Variants in LNX1 observed in about 807,000 individuals in gnomAD.
LNX1 encodes the protein E3 ubiquitin-protein ligase LNX.
In LNX1, 54 loss-of-function variants were observed where a neutral mutation model predicts 68.4. That is an observed-to-expected ratio of 0.79 (90% confidence interval 0.63 to 0.99). The LOEUF is 0.99. Ranked by LOEUF, LNX1 falls within the 50% of genes least tolerant of loss-of-function variation. LNX1 has a pLI of 0.00. For synonymous variants in LNX1, 336 were observed against 350.0 expected (o/e 0.96, Z 0.45); for missense variants, 906 against 926.4 (o/e 0.98, Z 0.29).
At chr4:53,554,893 G>A (rs1366625360) in intron 2 of LNX1, among the ~76,000 whole-genome samples, 1 of 151,658 alleles carries the variant, frequency 6.6e-6, no homozygotes, top group East Asian at 1.9e-4. Context: ...GCAGGCATTT[G>A]ACTTTGAGAA....
At chr4:53,648,075 A>G (rs1473685958) in intron 1 of LNX1, among the ~76,000 whole-genome samples, 1 of 152,246 alleles carries the variant, frequency 6.6e-6, no homozygotes, top group Admixed American at 6.5e-5. Context: ...GGGAGTACAA[A>G]TATATGTTTG....
At chr4:53,553,927 G>A (rs1447388361) in intron 2 of LNX1, among the ~76,000 whole-genome samples, 1 of 152,172 alleles carries the variant, frequency 6.6e-6, no homozygotes, top group Non-Finnish European at 1.5e-5. Context: ...ACCCTGTATA[G>A]CAGACACACC....
intron 2 of LNX1, among the ~76,000 whole-genome samples, chr4:53,559,458 G>A (rs1374321414): frequency 6.6e-6 from 1 of 152,092 alleles, no homozygotes; most frequent in East Asian, 1.9e-4. Flanking sequence ...TGAGGTTAGA[G>A]TTCTAGCTCT....
intron 6 of LNX1, among the ~76,000 whole-genome samples, chr4:53,483,266 G>A (rs1174598526): frequency 7.9e-5 from 12 of 152,240 alleles, no homozygotes; most frequent in African/African-American, 2.9e-4. Flanking sequence ...CTTCCACCAT[G>A]ACTGAGAGGC....
chr4:53,575,536 C>T, intron 1 of LNX1: 9 of 985,386 alleles, frequency 9.1e-6, no homozygotes, highest in Non-Finnish European at 1.1e-5. Flanking sequence ...GACATGGACA[C>T]ACACACAAGT....
At chr4:53,462,439 G>T (rs1722232009) in intron 9 of LNX1, among the ~76,000 whole-genome samples, 2 of 152,044 alleles carry the variant, frequency 1.3e-5, no homozygotes, top group African/African-American at 4.8e-5. Context: ...CACATTTGTA[G>T]CTGTAGTCCG....
intron 2 of LNX1, among the ~76,000 whole-genome samples, chr4:53,614,184 A>T (rs1733600369): frequency 6.6e-6 from 1 of 151,974 alleles, no homozygotes; most frequent in Admixed American, 6.6e-5. Flanking sequence ...TGTTGATTTA[A>T]GTCCATTGTA....
intron 1 of LNX1, among the ~76,000 whole-genome samples, chr4:53,626,768 G>A (rs542164189): frequency 6.7e-6 from 1 of 150,314 alleles, no homozygotes; most frequent in East Asian, 2.0e-4. Flanking sequence ...AAAGCTCCAG[G>A]GTTTCTTAAG....
intron 1 of LNX1, among the ~76,000 whole-genome samples, chr4:53,586,586 G>C (rs1402661905): frequency 4.6e-5 from 7 of 152,174 alleles, no homozygotes; most frequent in South Asian, 4.1e-4. Flanking sequence ...AATGTCCCCG[G>C]TTAATTGGGA....
intron 2 of LNX1, among the ~76,000 whole-genome samples, chr4:53,556,282 A>G (rs1024398539): frequency 6.6e-6 from 1 of 152,154 alleles, no homozygotes; most frequent in African/African-American, 2.4e-5. Flanking sequence ...ACCCCCCTCC[A>G]CAAAACTAGA....
chr4:53,625,762 G>A (rs771660302), intron 1 of LNX1, among the ~76,000 whole-genome samples: 1 of 152,080 alleles, frequency 6.6e-6, no homozygotes, highest in Non-Finnish European at 1.5e-5. Context: ...AGCCACGACT[G>A]CATCACTGCA....
At chr4:53,585,270 T>C (rs552452641) in intron 1 of LNX1, among the ~76,000 whole-genome samples, 25 of 152,300 alleles carry the variant, frequency 1.6e-4, no homozygotes, top group African/African-American at 5.8e-4. Context: ...AAACACTTAC[T>C]ACTGTGGCAT....
At chr4:53,593,844 G>C (rs1732625048), upstream of LNX1, 1 of 152,162 alleles carries the variant, frequency 6.6e-6, no homozygotes, top group Non-Finnish European at 1.5e-5. Flanking sequence ...GCATTCTACA[G>C]CTGGGAAAAC....
At chr4:53,549,860 G>A (rs1224843137) in intron 2 of LNX1, among the ~76,000 whole-genome samples, 1 of 152,138 alleles carries the variant, frequency 6.6e-6, no homozygotes, top group East Asian at 1.9e-4. Flanking sequence ...GATTCTTACG[G>A]ACATCCCAGC....
intron 1 of LNX1, among the ~76,000 whole-genome samples, chr4:53,632,455 C>G (rs1734314762): frequency 6.6e-6 from 1 of 152,194 alleles, no homozygotes; most frequent in Non-Finnish European, 1.5e-5. Flanking sequence ...CCCCTACACT[C>G]TTGCTTCAGC....
At chr4:53,466,956 AGACTTAAATGTCCCTGTCT>A (rs1722736155) in intron 9 of LNX1, among the ~76,000 whole-genome samples, 1 of 152,230 alleles carries the variant, frequency 6.6e-6, no homozygotes, top group Admixed American at 6.5e-5. Flanking sequence ...TAACCTCTGC[AGACTTAAATGTCCCTGTCT>A]GACAGCTTTG....
intron 2 of LNX1, among the ~76,000 whole-genome samples, chr4:53,554,986 G>T (rs1343973884): frequency 6.6e-6 from 1 of 152,164 alleles, no homozygotes; most frequent in Non-Finnish European, 1.5e-5. Flanking sequence ...GAACACAAGA[G>T]TGCATTGCTG....
chr4:53,575,675 C>G (rs28392904), intron 1 of LNX1: 833,319 of 1,375,256 alleles, frequency 0.61, 254,770 homozygotes, highest in Non-Finnish European at 0.63. Flanking sequence ...ATCTGGGACC[C>G]ACCCCCTGGG....
intron 4 of LNX1, among the ~76,000 whole-genome samples, chr4:53,506,733 G>T (rs767326041): frequency 1.3e-5 from 2 of 151,662 alleles, no homozygotes; most frequent in South Asian, 4.2e-4. Flanking sequence ...GTGGGTGCCT[G>T]TAATCCCACC....
Sources: gnomAD v4.1 joint callset for allele counts (sites outside exome capture counted in the v4.1 genomes callset) on GRCh38, gnomAD v4.1.1 for gene constraint, MANE v1.5 for transcripts, NCBI Gene and HGNC (gene_info 2026-07-23, HGNC 2026-07-21) for gene names.